The following MFHAS1 variants were observed in gnomAD, a reference collection of about 807,000 sequenced individuals.
The protein encoded by MFHAS1 is multifunctional ROCO family signaling regulator 1, also known as malignant fibrous histiocytoma-amplified sequence 1.
Under a neutral mutation model 70.4 loss-of-function variants are expected in MFHAS1, and 50 were observed. The observed-to-expected ratio is 0.71, with a 90% CI of 0.57 to 0.90. The LOEUF (loss-of-function observed/expected upper bound fraction) is 0.90, where lower values mean the gene tolerates loss of function less well. Ranked by LOEUF, MFHAS1 falls within the 40% of genes least tolerant of loss-of-function variation. The pLI, the probability that MFHAS1 is intolerant of heterozygous loss-of-function variation, is 0.00. For synonymous variants in MFHAS1, 952 were observed against 620.0 expected, an observed-to-expected ratio of 1.54 and a Z score of -7.96; for missense variants, 1,795 against 1,347.6, an observed-to-expected ratio of 1.33 and a Z score of -5.20.
At chr8:8,853,949 C>A (rs1263206552) in intron 1 of MFHAS1, among the ~76,000 whole-genome samples, 1 of 152,196 alleles carries the variant, frequency 6.6e-6, no homozygotes, top group East Asian at 1.9e-4. Flanking sequence ...ATTACTATTT[C>A]CAATTCCCAT....
In MFHAS1 at chr8:8,784,431, G is replaced by A. The variant is rs191988480; in HGVS notation, c.*1591C>T. 3 of 152,064 alleles carry A rather than the reference G, an allele frequency of 2.0e-5. No homozygotes were observed. The highest frequency in any genetic ancestry group is 4.4e-5 in the Non-Finnish European group (3 of 68,022). 9.4% of individuals were successfully genotyped at this position (152,064 alleles called of 1,614,324 possible). Reference sequence around the variant, plus strand: ...CAAGTATTAAAAAAATGCAAACATCGTCTGATCCCATTCGATTTTTATCAT... The same window carrying A: ...CAAGTATTAAAAAAATGCAAACATCATCTGATCCCATTCGATTTTTATCAT... On this transcript the variant is annotated 3_prime_UTR_variant, in exon 3 of 3. Coordinates refer to ENST00000276282, the MANE Select transcript of MFHAS1 (RefSeq NM_004225.3).
chr8:8,794,536 G>C (rs756997053), intron 2 of MFHAS1, among the ~76,000 whole-genome samples: 1 of 152,142 alleles, frequency 6.6e-6, no homozygotes, highest in Non-Finnish European at 1.5e-5. Context: ...TGGGCAGCTC[G>C]AGCACAGGCT....
At chr8:8,868,709 G>A (rs1258219821) in intron 1 of MFHAS1, among the ~76,000 whole-genome samples, 3 of 152,118 alleles carry the variant, frequency 2.0e-5, no homozygotes, top group Non-Finnish European at 4.4e-5. Context: ...GAGTCTGGGA[G>A]GCTCCTCTCA....
chr8:8,845,269 T>TA (rs1206294693), intron 1 of MFHAS1, among the ~76,000 whole-genome samples: 1 of 152,254 alleles, frequency 6.6e-6, no homozygotes, highest in Non-Finnish European at 1.5e-5. Flanking sequence ...AACAGTCCTA[T>TA]AGACACTTAA....
chr8:8,880,334 G>T (rs1251123061), intron 1 of MFHAS1, among the ~76,000 whole-genome samples: 1 of 152,166 alleles, frequency 6.6e-6, no homozygotes, highest in African/African-American at 2.4e-5. Context: ...AGATGTGGCA[G>T]GTGCACAACA....
intron 1 of MFHAS1, among the ~76,000 whole-genome samples, chr8:8,841,777 G>C (rs118150686): frequency 0.022 from 3,323 of 152,270 alleles, 63 homozygotes; most frequent in Middle Eastern, 0.037. Context: ...ACGGGTACGA[G>C]AGTTTGGGTT....
intron 1 of MFHAS1, among the ~76,000 whole-genome samples, chr8:8,849,819 G>A (rs1808176171): frequency 1.3e-5 from 2 of 152,212 alleles, no homozygotes; most frequent in African/African-American, 4.8e-5. Context: ...ACCAAATCCT[G>A]AAGACGGTTC....
In MFHAS1 at chr8:8,890,972, G is replaced by A. The variant is rs753828289; in HGVS notation, c.2087C>T (p.Thr696Ile). Residue 696 changes from threonine (T) to isoleucine (I), a missense_variant, in exon 1 of 3, where the codon ACC becomes ATC. Coordinates refer to ENST00000276282, the MANE Select transcript of MFHAS1 (RefSeq NM_004225.3). ...GAGGGCACTCTGCAGTCGGTCCTCG[G>A]TCAGACCCGCCTGCAGGCCCAAGCG... ...SARLGLQAGL[T>I]EDRLQSALSY... The A allele has an allele frequency of 1.9e-6, 3 of 1,613,632 alleles. No homozygotes were observed. The African/African-American group carries it at 4.0e-5, about 22-fold the overall frequency.
intron 1 of MFHAS1, among the ~76,000 whole-genome samples, chr8:8,801,280 T>C (rs1452245660): frequency 2.0e-5 from 3 of 152,086 alleles, no homozygotes; most frequent in Non-Finnish European, 4.4e-5. Context: ...CAACTCTAAC[T>C]GTACCCCAGA....
chr8:8,888,336 C>T (rs376293632), intron 1 of MFHAS1, among the ~76,000 whole-genome samples: 1 of 152,126 alleles, frequency 6.6e-6, no homozygotes, highest in South Asian at 2.1e-4. Context: ...TCTTGTTGTC[C>T]CTCTCTGACC....
chr8:8,829,798 G>A (rs971845832), intron 1 of MFHAS1, among the ~76,000 whole-genome samples: 1 of 152,196 alleles, frequency 6.6e-6, no homozygotes, highest in Non-Finnish European at 1.5e-5. Flanking sequence ...GAAGGGAGGG[G>A]AAGACACATT....
intron 2 of MFHAS1, among the ~76,000 whole-genome samples, chr8:8,793,853 C>T (rs551791066): frequency 2.0e-5 from 3 of 152,268 alleles, no homozygotes; most frequent in South Asian, 4.1e-4. Flanking sequence ...CATGCCTGGT[C>T]CCTTCCCTGA....
intron 1 of MFHAS1, among the ~76,000 whole-genome samples, chr8:8,841,204 G>C (rs952207009): frequency 2.0e-5 from 3 of 152,184 alleles, no homozygotes; most frequent in African/African-American, 7.2e-5. Flanking sequence ...GTCGGGCGTG[G>C]TGGCTCACAA....
chr8:8,814,783 G>A (rs1400355855), intron 1 of MFHAS1, among the ~76,000 whole-genome samples: 1 of 151,620 alleles, frequency 6.6e-6, no homozygotes, highest in Admixed American at 6.6e-5. Context: ...GACACTCAAC[G>A]TGATGCATAT....
intron 2 of MFHAS1, among the ~76,000 whole-genome samples, chr8:8,787,695 T>C (rs1260733620): frequency 1.3e-5 from 2 of 152,228 alleles, no homozygotes; most frequent in African/African-American, 4.8e-5. Flanking sequence ...CGTCTCAACC[T>C]AGCAGCTAAC....
At chr8:8,824,682 A>T (rs2409092) in intron 1 of MFHAS1, among the ~76,000 whole-genome samples, 65,659 of 152,092 alleles carry the variant, frequency 0.43, 15,875 homozygotes, top group East Asian at 0.77. Context: ...GATATAGATC[A>T]TCTCTAAAAG....
chr8:8,863,831 A>C (rs551439730), intron 1 of MFHAS1, among the ~76,000 whole-genome samples: 1 of 152,306 alleles, frequency 6.6e-6, no homozygotes, highest in East Asian at 1.9e-4. Flanking sequence ...AACTTAAGAA[A>C]GTTGCATTTG....
Position 8,892,971 on chromosome 8 carries a change from G to A in MFHAS1, c.88C>T (p.Arg30Cys), listed in dbSNP as rs752103252. The change falls in exon 1 of 3, where the codon CGC becomes TGC. Residue 30 changes from arginine to cysteine, a missense_variant. By Grantham distance (180) the Arg-to-Cys change is radical. Coordinates refer to ENST00000276282, the MANE Select transcript of MFHAS1 (RefSeq NM_004225.3). The surrounding 1 kb of genome is among the most constrained non-coding windows in gnomAD (Gnocchi z 4.7). ...CCGGCGGCGGTAAGCGTGAGCTGGC[G>A]CAGGTTGCTCCGCAGCTTCCTGGCA... ...LRARKLRSNL[R>C]QLTLTAAGAC... The A allele has an allele frequency of 3.2e-6, 5 of 1,542,866 alleles. No individual in the cohort carries two copies. Among genetic ancestry groups the A allele is most frequent in the East Asian group, 2.5e-5 (1 of 39,646 alleles).
At chr8:8,832,305 T>C (rs1807428730) in intron 1 of MFHAS1, among the ~76,000 whole-genome samples, 1 of 152,136 alleles carries the variant, frequency 6.6e-6, no homozygotes, top group African/African-American at 2.4e-5. Context: ...GAGAACATGT[T>C]TGTAATACAT....
Sources: allele counts gnomAD v4.1 joint callset (sites outside exome capture counted in the v4.1 genomes callset), GRCh38; gene constraint gnomAD v4.1.1; non-coding constraint Gnocchi (gnomAD v3.1); transcripts MANE v1.5; gene names NCBI Gene and HGNC (gene_info 2026-07-23, HGNC 2026-07-21).